Variants in RTF1 observed in about 807,000 individuals in gnomAD.
RTF1 encodes the protein RTF1 homolog, Paf1/RNA polymerase II complex component.
RTF1 carries 10 observed loss-of-function variants against 95.7 expected under a neutral mutation model. That is an observed-to-expected ratio of 0.10 (90% CI 0.06 to 0.18). The LOEUF is 0.18. Among genes scored for constraint, RTF1 ranks in the 10% least tolerant of loss-of-function variants. The pLI is 1.00. For missense variants in RTF1, 458 were observed against 875.6 expected (o/e 0.52, Z 6.02); for synonymous variants, 305 against 311.8 (o/e 0.98, Z 0.23).
chr15:41,448,187 TC>T (rs1187491782), intron 2 of RTF1, among the ~76,000 whole-genome samples: 1 of 152,122 alleles, frequency 6.6e-6, no homozygotes, highest in Non-Finnish European at 1.5e-5. Context: ...CAGGAATCTC[TC>T]GTTTATGGGA....
intron 3 of RTF1, among the ~76,000 whole-genome samples, chr15:41,455,038 G>C (rs142695023): frequency 6.6e-6 from 1 of 152,050 alleles, no homozygotes; most frequent in African/African-American, 2.4e-5. Context: ...TATGCCAGCC[G>C]GGCATGGTGG....
chr15:41,480,500 G>C, intron 17 of RTF1, 81 bp from the exon 18 acceptor site: 1 of 1,107,886 alleles, frequency 9.0e-7, no homozygotes, highest in Non-Finnish European at 1.4e-6. Context: ...CCACAGTCAG[G>C]AGGCTGCCTG....
intron 1 of RTF1, among the ~76,000 whole-genome samples, chr15:41,419,495 T>A (rs1437105448): frequency 6.6e-6 from 1 of 152,228 alleles, no homozygotes; most frequent in Non-Finnish European, 1.5e-5. Flanking sequence ...TCTGTTAGTT[T>A]TAAATTTTTT....
chr15:41,431,741 A>G (rs1286659483), intron 1 of RTF1, among the ~76,000 whole-genome samples: 1 of 151,832 alleles, frequency 6.6e-6, no homozygotes, highest in Non-Finnish European at 1.5e-5. Flanking sequence ...TCAAACGATC[A>G]GCCCTCGTCG....
At chr15:41,426,770 G>A (rs1315365603) in intron 1 of RTF1, among the ~76,000 whole-genome samples, 1 of 74,976 alleles carries the variant, frequency 1.3e-5, no homozygotes, top group African/African-American at 5.1e-5. Context: ...GTGCCCAGCC[G>A]CTACATATAT....
chr15:41,463,608 A>C (rs1422960093), intron 4 of RTF1, among the ~76,000 whole-genome samples: 1 of 151,940 alleles, frequency 6.6e-6, no homozygotes, highest in Non-Finnish European at 1.5e-5. Context: ...CAGCCTGCCA[A>C]GTAGCTGGGA....
intron 8 of RTF1, among the ~76,000 whole-genome samples, chr15:41,473,690 G>A (rs1418807784): frequency 2.0e-5 from 3 of 151,992 alleles, no homozygotes; most frequent in Non-Finnish European, 4.4e-5. Flanking sequence ...AGCCTCTTGA[G>A]TAGCTAGGAC....
chr15:41,457,684 A>T lies in RTF1; in HGVS notation c.470A>T (p.Asp157Val), dbSNP rs1566844412. 1 of 1,613,982 alleles carries T rather than the reference A, an allele frequency of 6.2e-7. No homozygotes were observed. Among genetic ancestry groups the T allele is most frequent in the South Asian group, 1.1e-5 (1 of 91,070 alleles). Residue 157 changes from aspartate (D) to valine (V), a missense_variant, in exon 4 of 18, where the codon GAC (aspartate) becomes GTC (valine). Around this residue, in one of 11 missense-constraint regions of RTF1, gnomAD observed 15 missense variants for 28.4 expected, o/e 0.53. Coordinates refer to ENST00000389629, the MANE Select transcript of RTF1 (RefSeq NM_015138.5). ...SSAPEEGEVS[D>V]SDSNSSSSSS... ...GCCTTTGTTGCAGGTGAAGTGTCAGACTCTGACAGCAACAGCTCCTCTTCC... is the reference window on the plus strand; with the variant it reads ...GCCTTTGTTGCAGGTGAAGTGTCAGTCTCTGACAGCAACAGCTCCTCTTCC...
intron 11 of RTF1, among the ~76,000 whole-genome samples, chr15:41,476,199 C>T (rs1357192910): frequency 6.6e-6 from 1 of 152,142 alleles, no homozygotes; most frequent in Admixed American, 6.5e-5. Flanking sequence ...CTTACACTAC[C>T]AGGCCCTTGG....
chr15:41,425,174 C>CT (rs2050622741), intron 1 of RTF1, among the ~76,000 whole-genome samples: 1 of 152,046 alleles, frequency 6.6e-6, no homozygotes, highest in South Asian at 2.1e-4. Context: ...GCTGTCTCTG[C>CT]CACTGCAAGC....
intron 5 of RTF1, 45 bp downstream of exon 5, chr15:41,464,930 T>TTGTGTGTG: frequency 7.0e-7 from 1 of 1,424,362 alleles, no homozygotes; most frequent in Admixed American, 3.2e-5. Flanking sequence ...TAAACCTGTT[T>TTGTGTGTG]TGAGTGTGTG....
chr15:41,443,462 A>C (rs561750795), intron 2 of RTF1, among the ~76,000 whole-genome samples: 1 of 152,276 alleles, frequency 6.6e-6, no homozygotes, highest in African/African-American at 2.4e-5. Context: ...GTGGTGTGGC[A>C]CTTTGATGCT....
chr15:41,445,076 C>T (rs933644189), intron 2 of RTF1, among the ~76,000 whole-genome samples: 4 of 152,036 alleles, frequency 2.6e-5, no homozygotes, highest in Admixed American at 2.6e-4. Context: ...GGACTACAGG[C>T]GCCCACCACC....
At chr15:41,425,757 TTGGTTGG>T (rs1555384874) in intron 1 of RTF1, among the ~76,000 whole-genome samples, 2 of 152,110 alleles carry the variant, frequency 1.3e-5, no homozygotes, top group Non-Finnish European at 2.9e-5. Context: ...GATAGTGGAA[TTGGTTGG>T]ACATGATGTT....
At chr15:41,472,715 T>G (rs1461109781) in intron 8 of RTF1, among the ~76,000 whole-genome samples, 2 of 151,282 alleles carry the variant, frequency 1.3e-5, no homozygotes, top group African/African-American at 4.9e-5. Context: ...CTTTTTTTTT[T>G]TTTTTAGACG....
At chr15:41,426,786 T>C (rs2140945711) in intron 1 of RTF1, among the ~76,000 whole-genome samples, 1 of 98,710 alleles carries the variant, frequency 1.0e-5, no homozygotes, top group South Asian at 3.6e-4. Flanking sequence ...TATATATGTG[T>C]GTGTGTGTGT....
chr15:41,438,237 A>G (rs761942293), intron 1 of RTF1, 84 bp from the exon 2 acceptor site: 25 of 891,496 alleles, frequency 2.8e-5, no homozygotes, highest in Non-Finnish European at 4.2e-5. Flanking sequence ...TATAAAAAAG[A>G]TCTAGAGAGG....
At chr15:41,456,663 G>A (rs926406132) in intron 3 of RTF1, among the ~76,000 whole-genome samples, 13 of 151,160 alleles carry the variant, frequency 8.6e-5, no homozygotes, top group Non-Finnish European at 1.8e-4. Flanking sequence ...TGAGTGTAGT[G>A]GTGAGCGCCT....
intron 1 of RTF1, 70 bp from the exon 2 acceptor site, chr15:41,438,251 G>T: frequency 9.8e-7 from 1 of 1,015,578 alleles, no homozygotes; most frequent in Non-Finnish European, 1.4e-6. Flanking sequence ...AGAGAGGGTG[G>T]GCATTTTATT....
Sources: allele counts gnomAD v4.1 joint callset (sites outside exome capture counted in the v4.1 genomes callset), GRCh38; gene constraint gnomAD v4.1.1; regional missense constraint gnomAD v4.1.1; transcripts MANE v1.5; gene names NCBI Gene and HGNC (gene_info 2026-07-23, HGNC 2026-07-21).